CACNA1G: variants seen among roughly 807,000 people sequenced by gnomAD.
The protein encoded by CACNA1G is calcium voltage-gated channel subunit alpha1 G.
In CACNA1G, 67 loss-of-function variants were observed where a neutral mutation model predicts 219.4. The observed-to-expected ratio is 0.31, with a 90% CI of 0.25 to 0.37. The LOEUF (loss-of-function observed/expected upper bound fraction) is 0.37, where lower values mean the gene tolerates loss of function less well. Ranked by LOEUF, CACNA1G falls within the 10% of genes least tolerant of loss-of-function variation. The probability of loss-of-function intolerance (pLI) is 1.00; values close to 1 mark genes in which losing one functional copy is unlikely to be tolerated. For missense variants in CACNA1G, 2,380 were observed against 3,231.4 expected, an observed-to-expected ratio of 0.74 and a Z score of 6.39; for synonymous variants, 1,296 against 1,345.3, an observed-to-expected ratio of 0.96 and a Z score of 0.80.
At chr17:50,587,055 C>A (rs1339815904) in intron 9 of CACNA1G, among the ~76,000 whole-genome samples, 2 of 152,196 alleles carry the variant, frequency 1.3e-5, no homozygotes, top group Admixed American at 6.5e-5. Context: ...GCAGGCTAGA[C>A]CTGGGAAGGG....
rs778340560 is a variant in CACNA1G at position 50,600,700 on chromosome 17, C to T, written c.3691-26C>T. On this transcript the variant is annotated intron_variant, in intron 17 of 37. Transcript: ENST00000359106. The surrounding 1 kb of genome is among the most constrained non-coding windows in gnomAD (Gnocchi z 4.1). ...CGGGGAACCTGGAGGCCTGGTCCTG[C>T]TCATACTCCAGTGTTTGTTCTGCAG... 109 of 1,604,614 alleles carry T rather than the reference C, an allele frequency of 6.8e-5. No individual in the cohort carries two copies. Among genetic ancestry groups the T allele is most frequent in the South Asian group, 3.2e-4 (29 of 90,920 alleles).
At position 50,575,321 on chromosome 17, in the gene CACNA1G, T is replaced by C. The variant is rs138120428; in HGVS notation, c.1141-222T>C. 9.8e-5 allele frequency among the ~76,000 whole-genome samples: 15 copies of C among 152,340 alleles called. No individual in the cohort carries two copies. The East Asian group carries it at 2.9e-3, about 29-fold the overall frequency. ...CTTGCTCTGAATTAGCTGAGTGATCTTGGGCAAATGTTTGACCTCTGTGGA... is the reference window on the plus strand; with the variant it reads ...CTTGCTCTGAATTAGCTGAGTGATCCTGGGCAAATGTTTGACCTCTGTGGA... On this transcript the variant is annotated intron_variant, in intron 7 of 37. Transcript: ENST00000359106.
intron 1 of CACNA1G, chr17:50,563,817 G>A (rs1204558139): frequency 6.6e-6 from 1 of 152,156 alleles, no homozygotes; most frequent in African/African-American, 2.4e-5. Context: ...TTTTTGGCAG[G>A]GGACTGCCTA....
rs746379901 is a variant in CACNA1G at position 50,621,200 on chromosome 17, C to T, written c.5926-460C>T. 2.6e-4 allele frequency among the ~76,000 whole-genome samples: 39 copies of T among 151,946 alleles called. 1 individual carries two copies. The highest frequency in any genetic ancestry group is 8.4e-4 in the African/African-American group (35 of 41,450). ...GCCGTCAGATTGGTGGCATTGTCGC[C>T]GGCGCCCCCCGTGCCGCTCTGTCTG... is the stretch of plus-strand genomic sequence containing the variant. On this transcript the variant is annotated intron_variant, in intron 34 of 37. Transcript: ENST00000359106. This position sits in a 1 kb window ranked among gnomAD's most constrained non-coding sequence, Gnocchi z 4.6.
Position 50,623,902 on chromosome 17 carries a change from T to C in CACNA1G, c.6061-5T>C. ...CTCCACCTCCCTCCCCTGTTCCTTT[T>C]GCAGATGCAGCCCCACCCCACGGAG... On this transcript the variant is annotated splice_polypyrimidine_tract_variant and splice_region_variant and intron_variant, in intron 35 of 37. Transcript: ENST00000359106. The C allele has an allele frequency of 1.2e-6, 2 of 1,604,174 alleles. No homozygotes were observed. Among genetic ancestry groups the C allele is most frequent in the South Asian group, 2.2e-5 (2 of 90,892 alleles).
At chr17:50,565,201 T>C (rs1423162771) in intron 1 of CACNA1G, among the ~76,000 whole-genome samples, 2 of 152,120 alleles carry the variant, frequency 1.3e-5, no homozygotes, top group African/African-American at 2.4e-5. Flanking sequence ...CTATTTCCCC[T>C]TCCAAAGATT....
At chr17:50,566,057 A>T (rs917424381) in intron 1 of CACNA1G, among the ~76,000 whole-genome samples, 3 of 152,056 alleles carry the variant, frequency 2.0e-5, no homozygotes, top group Non-Finnish European at 2.9e-5. Flanking sequence ...TACCATGGGG[A>T]TCTGTCACAT....
rs146346772 is a variant in CACNA1G, at chr17:50,598,540, T to C, written c.3259-888T>C. ...TGAGGAACCTGCATACCGTTTTCCA[T>C]AATGGCTGTATTAATTTACATTTCC... On this transcript the variant is annotated intron_variant, in intron 16 of 37. Transcript: ENST00000359106. Among the ~76,000 whole-genome samples the C allele has an allele frequency of 9.2e-5, 14 of 152,356 alleles. No individual in the cohort carries two copies. In the East Asian group the frequency reaches 2.1e-3, roughly 23 times the overall value.
Position 50,617,614 on chromosome 17 carries a change from C to A in CACNA1G, c.5155+43C>A. ...GCACCTGCCCTCCTAGGGTGACCAG[C>A]CCAGGGAGAGAGAGCAAGGGTCGGC... On this transcript the variant is annotated intron_variant, in intron 29 of 37. Transcript: ENST00000359106. This position sits in a 1 kb window ranked among gnomAD's most constrained non-coding sequence, Gnocchi z 5.8. 1 of 1,600,054 alleles carries A rather than the reference C, an allele frequency of 6.2e-7. No individual in the cohort carries two copies. Among genetic ancestry groups the A allele is most frequent in the Non-Finnish European group, 8.5e-7 (1 of 1,170,524 alleles).
rs1035479406 is a variant in CACNA1G, at chr17:50,575,995, G to A, written c.1593G>A (p.Arg531=). 5.8e-6 allele frequency: 9 copies of A among 1,554,768 alleles called. No homozygotes were observed. In the African/African-American group the frequency reaches 6.8e-5, roughly 12 times the overall value. ...ACAGGGATGCCAATGGGTCCCGCCGGCTCATGCTGCCACCACCCTCGACGC... is the reference window on the plus strand; with the variant it reads ...ACAGGGATGCCAATGGGTCCCGCCGACTCATGCTGCCACCACCCTCGACGC... ...IQDRDANGSR[R]LMLPPPSTPA... The change falls in exon 8 of 38, where the codon CGG becomes CGA. Residue 531 remains arginine, a synonymous_variant. Coordinates refer to ENST00000359106, the MANE Select transcript of CACNA1G (RefSeq NM_018896.5).
In CACNA1G at chr17:50,618,418, A is replaced by G; in HGVS notation, c.5427+75A>G. 3 of 1,573,668 alleles carry G rather than the reference A, an allele frequency of 1.9e-6. No homozygotes were observed. Among genetic ancestry groups the G allele is most frequent in the Non-Finnish European group, 1.7e-6 (2 of 1,150,624 alleles). ...GAGCTAGGATTCCTTGGGAAGATGA[A>G]TTGGCCACAAATAAAAGCATGTGAC... is the stretch of plus-strand genomic sequence containing the variant. On this transcript the variant is annotated intron_variant, in intron 32 of 37. Transcript: ENST00000359106. This position sits in a 1 kb window ranked among gnomAD's most constrained non-coding sequence, Gnocchi z 5.3.
In CACNA1G at chr17:50,596,393, C is replaced by T. The variant is rs1047954209; in HGVS notation, c.2980-169C>T. Among the ~76,000 whole-genome samples, 1 of 152,088 alleles carries T rather than the reference C, an allele frequency of 6.6e-6. No homozygotes were observed. The highest frequency in any genetic ancestry group is 2.4e-5 in the African/African-American group (1 of 41,412). ...GAGGTGGTGGGGCCCTGGGAAGCCT[C>T]GGGCCCCAAGCCTGGGGGGTCTGGC... On this transcript the variant is annotated intron_variant, in intron 14 of 37. Coordinates refer to ENST00000359106, the MANE Select transcript of CACNA1G (RefSeq NM_018896.5). The surrounding 1 kb of genome is among the most constrained non-coding windows in gnomAD (Gnocchi z 4.8).
At chr17:50,564,650 C>A (rs142233067) in intron 1 of CACNA1G, among the ~76,000 whole-genome samples, 20 of 152,154 alleles carry the variant, frequency 1.3e-4, no homozygotes, top group Admixed American at 3.3e-4. Flanking sequence ...CTGGAGCCTT[C>A]CTTGCCACAC....
At position 50,571,752 on chromosome 17, in the gene CACNA1G, C is replaced by A; in HGVS notation, c.587-126C>A. 1.1e-6 allele frequency: 1 copy of A among 901,180 alleles called. No individual in the cohort carries two copies. The highest frequency in any genetic ancestry group is 1.7e-6 in the Non-Finnish European group (1 of 583,478). The allele number at this position is 901,180 out of a possible 1,614,324, so 55.8% of individuals were successfully genotyped here. A position where few individuals can be genotyped will look rare whatever the true frequency, so the allele number is the denominator to read the frequency against. ...CAGAGGTGTCTGTTGGTCTCCCCTC[C>A]AGCTTGAGCCGGGCCGTCTCAGCCT... is the stretch of plus-strand genomic sequence containing the variant. On this transcript the variant is annotated intron_variant, in intron 4 of 37. Transcript: ENST00000359106. This position sits in a 1 kb window ranked among gnomAD's most constrained non-coding sequence, Gnocchi z 4.3.
Position 50,616,393 on chromosome 17 carries a change from G to C in CACNA1G, c.5021+9G>C. ...CGGTTCTTCCAGGACAGGTAACGGA[G>C]AAAAGGGGGGTCTTGGGGACTTGCG... On this transcript the variant is annotated intron_variant, in intron 28 of 37. Coordinates refer to ENST00000359106, the MANE Select transcript of CACNA1G (RefSeq NM_018896.5). 6.5e-7 allele frequency: 1 copy of C among 1,545,442 alleles called. No homozygotes were observed. The highest frequency in any genetic ancestry group is 8.9e-7 in the Non-Finnish European group (1 of 1,118,448).
rs376170285 is a variant in CACNA1G, at chr17:50,610,219, C to T, written c.4759+284C>T. Among the ~76,000 whole-genome samples the T allele has an allele frequency of 2.6e-3, 390 of 152,362 alleles. 3 individuals are homozygous for T. The highest frequency in any genetic ancestry group is 9.2e-3 in the African/African-American group (382 of 41,592). On this transcript the variant is annotated intron_variant, in intron 26 of 37. Transcript: ENST00000359106. ...CTCCCCACCTCCTGCCACCTCTTCCCTCCTGTGCCTCCTCCTTGTAGCTCA... is the reference window on the plus strand; with the variant it reads ...CTCCCCACCTCCTGCCACCTCTTCCTTCCTGTGCCTCCTCCTTGTAGCTCA...
In CACNA1G at chr17:50,618,819, G is replaced by A. The variant is rs2051713804; in HGVS notation, c.5592G>A (p.Glu1864=). 1.2e-6 allele frequency: 2 copies of A among 1,613,930 alleles called. No homozygotes were observed. The highest frequency in any genetic ancestry group is 1.7e-6 in the Non-Finnish European group (2 of 1,179,886). ...AGAGCAACAAGGAGGCCAAGGAGGAGGCCGAGCTAGAGGCTGAGCTGGAGC... is the reference window on the plus strand; with the variant it reads ...AGAGCAACAAGGAGGCCAAGGAGGAAGCCGAGCTAGAGGCTGAGCTGGAGC... The part of the protein sequence containing the change: ...LEESNKEAKE[E]AELEAELELE... Residue 1864 remains glutamate, a synonymous_variant, in exon 33 of 38, where the codon GAG becomes GAA. Transcript: ENST00000359106. The surrounding 1 kb of genome is among the most constrained non-coding windows in gnomAD (Gnocchi z 5.3).
intron 16 of CACNA1G, among the ~76,000 whole-genome samples, chr17:50,598,209 A>T (rs1289433769): frequency 6.6e-6 from 1 of 152,132 alleles, no homozygotes; most frequent in African/African-American, 2.4e-5. Flanking sequence ...TTGTATTTTT[A>T]GTAGAGATGA....
At position 50,596,514 on chromosome 17, in the gene CACNA1G, A is replaced by G; in HGVS notation, c.2980-48A>G. On this transcript the variant is annotated intron_variant, in intron 14 of 37. Coordinates refer to ENST00000359106, the MANE Select transcript of CACNA1G (RefSeq NM_018896.5). The surrounding 1 kb of genome is among the most constrained non-coding windows in gnomAD (Gnocchi z 4.8). Reference sequence around the variant, plus strand: ...GAGGGAGGCCCGGTCCATCCCAACCACCCAAGCCTGGCCGGATCCCTAATG... The same window carrying G: ...GAGGGAGGCCCGGTCCATCCCAACCGCCCAAGCCTGGCCGGATCCCTAATG... The G allele has an allele frequency of 6.5e-7, 1 of 1,533,970 alleles. No homozygotes were observed. The highest frequency in any genetic ancestry group is 1.4e-5 in the African/African-American group (1 of 73,122).
Sources: allele counts gnomAD v4.1 joint callset (sites outside exome capture counted in the v4.1 genomes callset), GRCh38; gene constraint gnomAD v4.1.1; non-coding constraint Gnocchi (gnomAD v3.1); transcripts MANE v1.5; gene names NCBI Gene and HGNC (gene_info 2026-07-23, HGNC 2026-07-21).